Variants in SAFB2 observed in about 807,000 individuals in gnomAD.
SAFB2 encodes scaffold attachment factor B2.
In SAFB2, 32 loss-of-function variants were observed where a neutral mutation model predicts 100.6. That is an observed-to-expected ratio of 0.32 (90% CI 0.24 to 0.43). The LOEUF (loss-of-function observed/expected upper bound fraction) is 0.43. Among genes scored for constraint, SAFB2 ranks in the 20% least tolerant of loss-of-function variants. SAFB2 has a pLI of 1.00. For missense variants in SAFB2, 1,185 were observed against 1,163.4 expected (o/e 1.02, Z -0.27); for synonymous variants, 500 against 439.4 (o/e 1.14, Z -1.72).
At chr19:5,616,635 TTTG>T (rs1449277294) in intron 2 of SAFB2, 149 bp from the exon 3 acceptor site, 12 of 577,234 alleles carry the variant, frequency 2.1e-5, no homozygotes, top group Non-Finnish European at 3.2e-5. Context: ...TTTGTCTCAA[TTTG>T]TTTTCTTTTT....
rs758883870 is a variant in SAFB2 at position 5,587,684 on chromosome 19, C to G, written c.2705+17G>C. ...AGCAGGAGTGAACCACCGTCCTCCA[C>G]GGACGACACACCTTACCCCGCCACT... On this transcript the variant is annotated intron_variant, in intron 20 of 20. Coordinates refer to ENST00000252542, the MANE Select transcript of SAFB2 (RefSeq NM_014649.3). The surrounding 1 kb of genome is among the most constrained non-coding windows in gnomAD (Gnocchi z 4.9). 5 of 1,542,218 alleles carry G rather than the reference C, an allele frequency of 3.2e-6. No homozygotes were observed. The highest frequency in any genetic ancestry group is 4.4e-6 in the Non-Finnish European group (5 of 1,142,170).
chr19:5,605,349 C>T (rs1002645563), intron 9 of SAFB2, among the ~76,000 whole-genome samples: 19 of 152,140 alleles, frequency 1.2e-4, no homozygotes, highest in African/African-American at 4.6e-4. Context: ...AAGTGATCTA[C>T]CCAAGTCGGC....
intron 4 of SAFB2, among the ~76,000 whole-genome samples, chr19:5,615,104 C>T (rs903178594): frequency 6.6e-6 from 1 of 152,178 alleles, no homozygotes; most frequent in African/African-American, 2.4e-5. Context: ...CCTGTAATCC[C>T]AGCACTTTGG....
chr19:5,597,473 G>A (rs1219577064), intron 13 of SAFB2, among the ~76,000 whole-genome samples: 1 of 151,948 alleles, frequency 6.6e-6, no homozygotes, highest in East Asian at 1.9e-4. Flanking sequence ...AAGGAAAAAA[G>A]CCAAACCGTA....
Position 5,600,189 on chromosome 19 carries a change from T to G in SAFB2, c.1631A>C (p.Glu544Ala). The change falls in exon 12 of 21, where the codon GAA becomes GCA. Residue 544 changes from glutamate to alanine, a missense_variant. Physicochemically the swap from Glu to Ala is moderately radical, Grantham distance 107 (BLOSUM62 -1). Transcript: ENST00000252542. The stretch of plus-strand genomic sequence containing the variant: ...GGGTTTCAGCTCATCCTGGTCTTTT[T>G]CTTCCTTCTTAATGTCTTCAGGCTT... The part of the protein sequence containing the change: ...EKKPEDIKKE[E>A]KDQDELKPGP... 1 of 1,614,176 alleles carries G rather than the reference T, an allele frequency of 6.2e-7. No individual in the cohort carries two copies. Among genetic ancestry groups the G allele is most frequent in the Non-Finnish European group, 8.5e-7 (1 of 1,180,028 alleles).
chr19:5,591,471 G>C, intron 17 of SAFB2: 1 of 325,818 alleles, frequency 3.1e-6, no homozygotes, highest in East Asian at 6.2e-5. Context: ...GTAGAGACAG[G>C]GTTTCACCAT....
rs1232035630 is a variant in SAFB2 at position 5,611,231 on chromosome 19, T to C, written c.1034A>G (p.Glu345Gly). ...AEAPTEAPSP[E>G]ARDSKEDGRK... is the part of the protein sequence containing the mutation. Reference sequence around the variant, plus strand: ...CCCGTCTTCTTTGCTATCTCTGGCTTCTGGGCTTGGGGCTTCCGTGGGTGC... The same window carrying C: ...CCCGTCTTCTTTGCTATCTCTGGCTCCTGGGCTTGGGGCTTCCGTGGGTGC... Residue 345 changes from glutamate to glycine, a missense_variant, in exon 7 of 21, where the codon GAA becomes GGA. Physicochemically the swap from Glu to Gly is moderately conservative, Grantham distance 98 (BLOSUM62 -2). Coordinates refer to ENST00000252542, the MANE Select transcript of SAFB2 (RefSeq NM_014649.3). The C allele has an allele frequency of 1.4e-5, 6 of 421,696 alleles. No homozygotes were observed. The African/African-American group carries it at 3.0e-4, about 21-fold the overall frequency. The allele number at this position is 421,696 out of a possible 1,614,324, so 26.1% of individuals were successfully genotyped here. A position where few individuals can be genotyped will look rare whatever the true frequency, so the allele number is the denominator to read the frequency against.
intron 14 of SAFB2, among the ~76,000 whole-genome samples, chr19:5,594,847 CT>C (rs1326336035): frequency 6.6e-6 from 1 of 152,124 alleles, no homozygotes; most frequent in Non-Finnish European, 1.5e-5. Context: ...CTGTAAAGGG[CT>C]TTGATGACTT....
At chr19:5,598,571 C>T (rs1000080546) in intron 13 of SAFB2, 51 of 563,098 alleles carry the variant, frequency 9.1e-5, no homozygotes, top group Middle Eastern at 4.7e-4. Flanking sequence ...CGGCACATCC[C>T]GGTCAGGAGC....
intron 2 of SAFB2, 71 bp downstream of exon 2, chr19:5,621,238 G>A: frequency 9.9e-7 from 1 of 1,007,330 alleles, no homozygotes; most frequent in Non-Finnish European, 1.6e-6. Context: ...TAGAAGGCGG[G>A]AAGAGCACAC....
chr19:5,589,630 G>C (rs1005790924), intron 18 of SAFB2, among the ~76,000 whole-genome samples: 2 of 152,152 alleles, frequency 1.3e-5, no homozygotes, highest in African/African-American at 4.8e-5. Context: ...AGGCAGGGGT[G>C]ACTGCAGCTG....
intron 11 of SAFB2, among the ~76,000 whole-genome samples, chr19:5,603,558 TAA>T (rs2052708278): frequency 6.6e-6 from 1 of 152,172 alleles, no homozygotes; most frequent in African/African-American, 2.4e-5. Context: ...CCATTTTGAT[TAA>T]AGATATAAAT....
rs762919983 is a variant in SAFB2, at chr19:5,613,479, A to C, written c.592T>G (p.Phe198Val). ...TGGTAACTTACCGGAGTTACTTTGA[A>C]GTTCAACGATGAAGTTTCCAAAGTG... Reference protein sequence around the residue: ...KNTLETSSLNFKVTPDIEESL... With the variant: ...KNTLETSSLNVKVTPDIEESL... Residue 198 changes from phenylalanine to valine, a missense_variant, in exon 5 of 21, where the codon TTC becomes GTC. By Grantham distance (50) the Phe-to-Val change is conservative. This residue lies in a region of SAFB2 where 351 missense variants were observed against 341.2 expected (regional missense o/e 1.03). Coordinates refer to ENST00000252542, the MANE Select transcript of SAFB2 (RefSeq NM_014649.3). The C allele has an allele frequency of 3.1e-6, 5 of 1,613,578 alleles. No homozygotes were observed. The highest frequency in any genetic ancestry group is 3.3e-5 in the Admixed American group (2 of 59,880).
Position 5,605,168 on chromosome 19 carries a change from G to A in SAFB2, c.1297-232C>T, listed in dbSNP as rs184624918. Reference sequence around the variant, plus strand: ...CACCCAGGCTGGAGTGCAGTGTCGCGATCTCGGCTCACCGCGACCTCCGCC... The same window carrying A: ...CACCCAGGCTGGAGTGCAGTGTCGCAATCTCGGCTCACCGCGACCTCCGCC... On this transcript the variant is annotated intron_variant, in intron 9 of 20. Coordinates refer to ENST00000252542, the MANE Select transcript of SAFB2 (RefSeq NM_014649.3). Among the ~76,000 whole-genome samples the A allele has an allele frequency of 1.7e-3, 246 of 146,924 alleles. 1 individual carries two copies. The highest frequency in any genetic ancestry group is 6.0e-3 in the African/African-American group (238 of 39,464).
chr19:5,616,546 A>G (rs1464310469), intron 2 of SAFB2, 60 bp from the exon 3 acceptor site: 18 of 1,391,482 alleles, frequency 1.3e-5, no homozygotes, highest in Non-Finnish European at 1.7e-5. Context: ...TAATTAGTTT[A>G]TGCAGAATAG....
At chr19:5,600,673 T>C (rs919970796) in intron 11 of SAFB2, among the ~76,000 whole-genome samples, 6 of 152,192 alleles carry the variant, frequency 3.9e-5, no homozygotes, top group Admixed American at 1.3e-4. Flanking sequence ...CAATACAGCC[T>C]CAACGGGATG....
At chr19:5,599,293 G>A (rs566607049) in intron 12 of SAFB2, among the ~76,000 whole-genome samples, 1 of 152,188 alleles carries the variant, frequency 6.6e-6, no homozygotes, top group African/African-American at 2.4e-5. Flanking sequence ...GCCACTCTGA[G>A]GGAGTGCCTT....
chr19:5,599,209 C>T (rs1319947184), intron 12 of SAFB2, among the ~76,000 whole-genome samples: 1 of 152,130 alleles, frequency 6.6e-6, no homozygotes, highest in Non-Finnish European at 1.5e-5. Flanking sequence ...AGCTCCGGAG[C>T]TGGTCTATGC....
chr19:5,590,207 C>T, intron 18 of SAFB2, 71 bp downstream of exon 18: 1 of 940,658 alleles, frequency 1.1e-6, no homozygotes, highest in South Asian at 1.8e-5. Context: ...TGGGGACGTG[C>T]CTGGCCAGGC....
Sources: gnomAD v4.1 joint callset for allele counts (sites outside exome capture counted in the v4.1 genomes callset) on GRCh38, gnomAD v4.1.1 for gene constraint, gnomAD v4.1.1 regional missense constraint, Gnocchi (gnomAD v3.1) non-coding constraint, MANE v1.5 for transcripts, NCBI Gene and HGNC (gene_info 2026-07-23, HGNC 2026-07-21) for gene names.